The following IMPA2 variants were observed in gnomAD, a reference collection of about 807,000 sequenced individuals.
IMPA2 encodes the protein IMP 2.
A neutral mutation model predicts 35.1 loss-of-function variants in IMPA2; 32 were observed. That is an observed-to-expected ratio of 0.91 (90% CI 0.69 to 1.23). IMPA2 has a LOEUF of 1.23. Ranked by LOEUF, IMPA2 falls within the 50% of genes most tolerant of loss-of-function variation. IMPA2 has a pLI of 0.00. For missense variants in IMPA2, 334 were observed against 387.6 expected (o/e 0.86, Z 1.16); for synonymous variants, 135 against 160.6 (o/e 0.84, Z 1.20).
chr18:11,984,690 G>C (rs750702525), intron 1 of IMPA2, among the ~76,000 whole-genome samples: 7 of 151,796 alleles, frequency 4.6e-5, no homozygotes, highest in Admixed American at 1.3e-4. Flanking sequence ...AACTGTGGCC[G>C]GGCGCGGTGG....
chr18:12,019,107 T>A (rs1376938914), intron 5 of IMPA2, among the ~76,000 whole-genome samples: 1 of 152,080 alleles, frequency 6.6e-6, no homozygotes, highest in Non-Finnish European at 1.5e-5. Context: ...ATTACAGGTG[T>A]GAGCCACCAA....
chr18:12,015,603 G>T (rs1183426451), intron 5 of IMPA2, among the ~76,000 whole-genome samples: 1 of 152,230 alleles, frequency 6.6e-6, no homozygotes, highest in Non-Finnish European at 1.5e-5. Flanking sequence ...CAGGGGAAGG[G>T]AGAAGTCATG....
intron 5 of IMPA2, among the ~76,000 whole-genome samples, chr18:12,019,558 G>A (rs983787416): frequency 7.9e-5 from 12 of 151,540 alleles, no homozygotes; most frequent in Admixed American, 2.0e-4. Context: ...GTGAGCCACC[G>A]CGCCTGGCCA....
chr18:12,021,479 A>T (rs1396226484), intron 5 of IMPA2, among the ~76,000 whole-genome samples: 1 of 152,162 alleles, frequency 6.6e-6, no homozygotes, highest in Non-Finnish European at 1.5e-5. Flanking sequence ...GGCATGTTTT[A>T]TAGGCTTTAA....
chr18:12,006,383 G>A (rs1172388260), intron 2 of IMPA2, among the ~76,000 whole-genome samples: 1 of 152,270 alleles, frequency 6.6e-6, no homozygotes, highest in Non-Finnish European at 1.5e-5. Context: ...ACAACTGAGA[G>A]TGGAGAGGCA....
rs528989510 is a variant in IMPA2, at chr18:12,019,023, G to A, written c.490+4650G>A. Among the ~76,000 whole-genome samples, 5 of 152,078 alleles carry A rather than the reference G, an allele frequency of 3.3e-5. No homozygotes were observed. In the South Asian group the frequency reaches 8.3e-4, roughly 25 times the overall value. ...AATATTTTTGTAGAGACAGGGTCTC[G>A]ATAGGTTTCCCAGGCTGGTCTCGAA... On this transcript the variant is annotated intron_variant, in intron 5 of 7. Transcript: ENST00000269159.
chr18:11,983,126 T>C (rs925970397), intron 1 of IMPA2, among the ~76,000 whole-genome samples: 11 of 150,640 alleles, frequency 7.3e-5, no homozygotes, highest in Non-Finnish European at 1.6e-4. Context: ...CCGTAAAGAA[T>C]GAATGAATTT....
Position 11,990,702 on chromosome 18 carries a change from A to G in IMPA2, c.97-8352A>G, listed in dbSNP as rs558889961. On this transcript the variant is annotated intron_variant, in intron 1 of 7. Coordinates refer to ENST00000269159, the MANE Select transcript of IMPA2 (RefSeq NM_014214.3). ...TGGCTCATGCAGCTGGCTGGCTCTC[A>G]TTGCTTTTGAGAGAAATGTGAGCTG... Among the ~76,000 whole-genome samples, 33 of 149,738 alleles carry G rather than the reference A, an allele frequency of 2.2e-4. 1 individual carries two copies. The South Asian group carries it at 7.1e-3, about 32-fold the overall frequency.
rs139665779 is a variant in IMPA2 at position 11,985,595 on chromosome 18, C to T, written c.96+3830C>T. Among the ~76,000 whole-genome samples, 339 of 152,308 alleles carry T rather than the reference C, an allele frequency of 2.2e-3. 1 individual carries two copies. The highest frequency in any genetic ancestry group is 7.2e-3 in the African/African-American group (299 of 41,568). ...TGTAAGTGAGTCTGTTTTTCACAGA[C>T]TTGCTCCTGGCTCTGTGCAGTTGAA... is the stretch of plus-strand genomic sequence containing the variant. On this transcript the variant is annotated intron_variant, in intron 1 of 7. Transcript: ENST00000269159.
intron 1 of IMPA2, among the ~76,000 whole-genome samples, chr18:11,984,771 T>C (rs1906609360): frequency 6.6e-6 from 1 of 151,912 alleles, no homozygotes; most frequent in Admixed American, 6.6e-5. Flanking sequence ...ATCAAGACCA[T>C]CCTGGCTAAC....
At chr18:12,002,955 G>A (rs1327276761) in intron 2 of IMPA2, among the ~76,000 whole-genome samples, 1 of 151,848 alleles carries the variant, frequency 6.6e-6, no homozygotes, top group Non-Finnish European at 1.5e-5. Context: ...CACTTTGGGA[G>A]GCCGAGGCGG....
At chr18:12,014,446 G>A (rs142137492) in intron 5 of IMPA2, 73 bp downstream of exon 5, 2 of 900,046 alleles carry the variant, frequency 2.2e-6, no homozygotes, top group African/African-American at 3.4e-5. Flanking sequence ...AAGCCACCAT[G>A]ATGTGGGACG....
At chr18:12,002,755 C>T (rs558406915) in intron 2 of IMPA2, among the ~76,000 whole-genome samples, 1 of 98,010 alleles carries the variant, frequency 1.0e-5, no homozygotes, top group Admixed American at 1.2e-4. Context: ...CAGAGCAAGA[C>T]CTTGTCTCAA....
intron 6 of IMPA2, 198 bp downstream of exon 6, chr18:12,028,349 C>G (rs1266612405): frequency 1.8e-6 from 1 of 564,116 alleles, no homozygotes; most frequent in Non-Finnish European, 3.2e-6. Flanking sequence ...TCTGGAGATG[C>G]GTGGGCACCT....
chr18:12,027,738 G>A lies in IMPA2; in HGVS notation c.491-305G>A, dbSNP rs1340582426. ...CTACAGGCCTGTGCCACCATGCCCA[G>A]CTACTTTTAATTTTTTTTTTTTTTG... On this transcript the variant is annotated intron_variant, in intron 5 of 7. Transcript: ENST00000269159. 2.6e-5 allele frequency among the ~76,000 whole-genome samples: 4 copies of A among 151,098 alleles called. No homozygotes were observed. In the East Asian group the frequency reaches 7.8e-4, roughly 29 times the overall value.
chr18:12,010,294 C>T lies in IMPA2; in HGVS notation c.335+307C>T, dbSNP rs1014131339. ...GTCTGACTCCCCTCACACCCCACCC[C>T]CACTGGAGAAAAAGGTGAGGTTGGG... On this transcript the variant is annotated intron_variant, in intron 3 of 7. Coordinates refer to ENST00000269159, the MANE Select transcript of IMPA2 (RefSeq NM_014214.3). The surrounding 1 kb of genome is among the most constrained non-coding windows in gnomAD (Gnocchi z 4.8). 2 of 273,248 alleles carry T rather than the reference C, an allele frequency of 7.3e-6. No individual in the cohort carries two copies. The highest frequency in any genetic ancestry group is 1.4e-5 in the Non-Finnish European group (2 of 143,780). 16.9% of individuals were successfully genotyped at this position (273,248 alleles called of 1,614,324 possible). A position where few individuals can be genotyped will look rare whatever the true frequency, so the allele number is the denominator to read the frequency against.
chr18:11,989,939 G>A (rs1906767362), intron 1 of IMPA2, among the ~76,000 whole-genome samples: 1 of 152,196 alleles, frequency 6.6e-6, no homozygotes, highest in African/African-American at 2.4e-5. Context: ...CTTTAGGGGT[G>A]GAGGAAGGCA....
At chr18:12,027,945 C>A in intron 5 of IMPA2, 98 bp from the exon 6 acceptor site, 1 of 757,472 alleles carries the variant, frequency 1.3e-6, no homozygotes, top group Non-Finnish European at 2.3e-6. Context: ...AAAGATGATC[C>A]TTACTCTGAG....
At chr18:12,007,032 A>G (rs1907266894) in intron 2 of IMPA2, among the ~76,000 whole-genome samples, 1 of 152,232 alleles carries the variant, frequency 6.6e-6, no homozygotes, top group Non-Finnish European at 1.5e-5. Context: ...CATGAGGCTG[A>G]GGCAGGAGAA....
Sources: gnomAD v4.1 joint callset for allele counts (sites outside exome capture counted in the v4.1 genomes callset) on GRCh38, gnomAD v4.1.1 for gene constraint, Gnocchi (gnomAD v3.1) non-coding constraint, MANE v1.5 for transcripts, NCBI Gene and HGNC (gene_info 2026-07-23, HGNC 2026-07-21) for gene names.